Variants in NDUFS1 observed in about 807,000 individuals in gnomAD.
The protein encoded by NDUFS1 is NADH-ubiquinone oxidoreductase 75 kDa subunit, mitochondrial.
A neutral mutation model predicts 84.4 loss-of-function variants in NDUFS1; 61 were observed. That is an observed-to-expected ratio of 0.72 (90% confidence interval 0.59 to 0.89). The LOEUF is 0.89. NDUFS1 is among the 40% of genes least tolerant of loss of function. The pLI is 0.00. For synonymous variants in NDUFS1, 275 were observed against 290.0 expected (o/e 0.95, Z 0.53); for missense variants, 891 against 890.0 (o/e 1.00, Z -0.01).
rs138887128 is a variant in NDUFS1 at position 206,130,184 on chromosome 2, G to C, written c.1612C>G (p.Arg538Gly). ...AACAGCACCTTGGGAGGGTTCTTCCGAATTGCTTCCACCCCAGGCTTATAG... is the reference window on the plus strand; with the variant it reads ...AACAGCACCTTGGGAGGGTTCTTCCCAATTGCTTCCACCCCAGGCTTATAG... ...LGYKPGVEAIRKNPPKVLFLL... is the reference protein window; with the variant it reads ...LGYKPGVEAIGKNPPKVLFLL... Residue 538 changes from arginine to glycine, a missense_variant, in exon 15 of 19, where the codon CGG (arginine) becomes GGG (glycine). Physicochemically the swap from Arg to Gly is moderately radical, Grantham distance 125. Coordinates refer to ENST00000233190, the MANE Select transcript of NDUFS1 (RefSeq NM_005006.7). 2 of 1,614,138 alleles carry C rather than the reference G, an allele frequency of 1.2e-6. No individual in the cohort carries two copies. Among genetic ancestry groups the C allele is most frequent in the Non-Finnish European group, 1.7e-6 (2 of 1,180,022 alleles).
chr2:206,116,561 C>A lies in NDUFS1; in HGVS notation c.*7624G>T. On this transcript the variant is annotated 3_prime_UTR_variant, in exon 19 of 19. Coordinates refer to ENST00000233190, the MANE Select transcript of NDUFS1 (RefSeq NM_005006.7). ...CAGCCACTCGCGCGGGGAGGCGGGG[C>A]GGTGTGGGCAGAAGTAAATTTCTTT... 4.6e-6 allele frequency: 3 copies of A among 654,362 alleles called. No individual in the cohort carries two copies. Among genetic ancestry groups the A allele is most frequent in the Non-Finnish European group, 7.9e-6 (3 of 378,870 alleles). The allele number at this position is 654,362 out of a possible 1,614,324, so 40.5% of individuals were successfully genotyped here.
chr2:206,127,703 TG>T, intron 16 of NDUFS1, 93 bp downstream of exon 16: 1 of 1,287,644 alleles, frequency 7.8e-7, no homozygotes, highest in Non-Finnish European at 1.1e-6. Flanking sequence ...CATTTCAGAC[TG>T]GCATCTTCCT....
At chr2:206,139,536 T>G (rs1158347801) in intron 12 of NDUFS1, among the ~76,000 whole-genome samples, 1 of 152,160 alleles carries the variant, frequency 6.6e-6, no homozygotes, top group Non-Finnish European at 1.5e-5. Context: ...TTTTGCAGTA[T>G]TTACATGACA....
chr2:206,132,694 TGTAACTAATATA>T (rs112569702), intron 14 of NDUFS1, among the ~76,000 whole-genome samples: 16 of 152,338 alleles, frequency 1.1e-4, no homozygotes, highest in African/African-American at 3.1e-4. Context: ...TGAACCAAGG[TGTAACTAATATA>T]ACAATTTTTA....
chr2:206,133,297 A>G (rs1691585736), intron 13 of NDUFS1, among the ~76,000 whole-genome samples, 192 bp from the exon 14 acceptor site: 1 of 152,232 alleles, frequency 6.6e-6, no homozygotes, highest in Non-Finnish European at 1.5e-5. Context: ...TGCCAATGCT[A>G]CTGTGAAATA....
chr2:206,138,410 TATTACAA>T, intron 13 of NDUFS1, 68 bp downstream of exon 13: 1 of 1,529,952 alleles, frequency 6.5e-7, no homozygotes, highest in Non-Finnish European at 9.0e-7. Context: ...TACATAGGAT[TATTACAA>T]AAACAGTTAA....
chr2:206,124,128 C>CT lies in NDUFS1; in HGVS notation c.*56dup. On this transcript the variant is annotated 3_prime_UTR_variant, in exon 19 of 19. Transcript: ENST00000233190. ...AAAGAAATAAACCTGTAAAGGATCA[C>CT]TGCACTACAGTTGTCCATTAATTAT... 1 of 1,062,802 alleles carries CT rather than the reference C, an allele frequency of 9.4e-7. No homozygotes were observed. The highest frequency in any genetic ancestry group is 2.4e-5 in the East Asian group (1 of 42,422). 65.8% of individuals were successfully genotyped at this position (1,062,802 alleles called of 1,614,324 possible).
intron 18 of NDUFS1, among the ~76,000 whole-genome samples, chr2:206,125,250 C>T (rs1350339407): frequency 6.6e-6 from 1 of 152,008 alleles, no homozygotes; most frequent in Admixed American, 6.6e-5. Flanking sequence ...CTGCTTGAGT[C>T]CAGGAGTTTG....
At chr2:206,126,898 T>A (rs1273563374) in intron 16 of NDUFS1, 54 bp from the exon 17 acceptor site, 4 of 1,599,686 alleles carry the variant, frequency 2.5e-6, no homozygotes, top group Non-Finnish European at 3.4e-6. Context: ...CTTAAAAATA[T>A]CAAATAATAG....
chr2:206,122,536 G>A lies in NDUFS1; in HGVS notation c.*1649C>T, dbSNP rs1282179381. 3 of 146,782 alleles carry A rather than the reference G, an allele frequency of 2.0e-5. No individual in the cohort carries two copies. Among genetic ancestry groups the A allele is most frequent in the African/African-American group, 7.6e-5 (3 of 39,566 alleles). 9.1% of individuals were successfully genotyped at this position (146,782 alleles called of 1,614,324 possible). On this transcript the variant is annotated 3_prime_UTR_variant, in exon 19 of 19. Coordinates refer to ENST00000233190, the MANE Select transcript of NDUFS1 (RefSeq NM_005006.7). ...CCCAGCTACCGGGGAGGCTGAGGCA[G>A]GAGAATCGCTTGAATCAGGGAGGTG...
intron 4 of NDUFS1, 102 bp from the exon 5 acceptor site, chr2:206,149,198 T>C: frequency 3.4e-6 from 3 of 881,680 alleles, no homozygotes; most frequent in Non-Finnish European, 5.3e-6. Flanking sequence ...CATTAAATTA[T>C]ACATTTGATA....
intron 18 of NDUFS1, among the ~76,000 whole-genome samples, chr2:206,125,825 G>C (rs570072766): frequency 1.3e-5 from 2 of 152,066 alleles, no homozygotes; most frequent in Admixed American, 1.3e-4. Flanking sequence ...CCACTCTCAA[G>C]TAGACTACAG....
rs1691015522 is a variant in NDUFS1 at position 206,118,607 on chromosome 2, G to A, written c.*5578C>T. 2 of 151,846 alleles carry A rather than the reference G, an allele frequency of 1.3e-5. No homozygotes were observed. Among genetic ancestry groups the A allele is most frequent in the East Asian group, 2.0e-4 (1 of 5,068 alleles). 9.4% of individuals were successfully genotyped at this position (151,846 alleles called of 1,614,324 possible). A position where few individuals can be genotyped will look rare whatever the true frequency, so the allele number is the denominator to read the frequency against. The stretch of plus-strand genomic sequence containing the variant: ...TGCCATGCATTGCACTCCAGTCTGG[G>A]TAACAGAGCCAGAATCTTATTAGGG... On this transcript the variant is annotated 3_prime_UTR_variant, in exon 19 of 19. Coordinates refer to ENST00000233190, the MANE Select transcript of NDUFS1 (RefSeq NM_005006.7).
intron 5 of NDUFS1, among the ~76,000 whole-genome samples, chr2:206,148,097 G>C (rs1049605275): frequency 6.6e-6 from 1 of 151,910 alleles, no homozygotes; most frequent in Non-Finnish European, 1.5e-5. Context: ...GCTAATTTTT[G>C]TATTTTTAGT....
At position 206,116,648 on chromosome 2, in the gene NDUFS1, G is replaced by A; in HGVS notation, c.*7537C>T. The A allele has an allele frequency of 2.3e-6, 1 of 426,670 alleles. No homozygotes were observed. Among genetic ancestry groups the A allele is most frequent in the South Asian group, 2.4e-5 (1 of 42,198 alleles). 26.4% of individuals were successfully genotyped at this position (426,670 alleles called of 1,614,324 possible). ...CATGTGTAATTCCAGAACTTTGGGA[G>A]GTCAAGGTGGGAGGAGCGCCTGGGC... On this transcript the variant is annotated 3_prime_UTR_variant, in exon 19 of 19. Coordinates refer to ENST00000233190, the MANE Select transcript of NDUFS1 (RefSeq NM_005006.7).
In NDUFS1 at chr2:206,141,999, G is replaced by C. The variant is rs766376147; in HGVS notation, c.1204C>G (p.Leu402Val). Residue 402 changes from leucine (L) to valine (V), a missense_variant, in exon 12 of 19, where the codon CTG becomes GTG. Coordinates refer to ENST00000233190, the MANE Select transcript of NDUFS1 (RefSeq NM_005006.7). ...AGVEEADVVL[L>V]VGTNPRFEAP... ...TCAAAACGTGGGTTTGTACCAACCAGAAGAACAACATCTGCCTCTTCCACA... is the reference window on the plus strand; with the variant it reads ...TCAAAACGTGGGTTTGTACCAACCACAAGAACAACATCTGCCTCTTCCACA... 6.2e-7 allele frequency: 1 copy of C among 1,609,732 alleles called. No individual in the cohort carries two copies. The highest frequency in any genetic ancestry group is 8.5e-7 in the Non-Finnish European group (1 of 1,176,028).
chr2:206,143,893 A>T, intron 10 of NDUFS1, 125 bp downstream of exon 10: 1 of 775,012 alleles, frequency 1.3e-6, no homozygotes, highest in South Asian at 1.5e-5. Context: ...TGTAAAATGG[A>T]AGGAGATTAA....
intron 14 of NDUFS1, among the ~76,000 whole-genome samples, chr2:206,131,962 T>A (rs916574660): frequency 2.0e-5 from 3 of 148,664 alleles, no homozygotes; most frequent in Non-Finnish European, 3.0e-5. Flanking sequence ...ATAATAATAA[T>A]AAAATAAAAA....
At chr2:206,152,672 G>A (rs1692417619) in intron 2 of NDUFS1, among the ~76,000 whole-genome samples, 162 bp from the exon 3 acceptor site, 1 of 151,200 alleles carries the variant, frequency 6.6e-6, no homozygotes, top group Non-Finnish European at 1.5e-5. Context: ...TTTGATAGCA[G>A]AGTAGTTTAA....
Sources: gnomAD v4.1 joint callset for allele counts (sites outside exome capture counted in the v4.1 genomes callset) on GRCh38, gnomAD v4.1.1 for gene constraint, MANE v1.5 for transcripts, NCBI Gene and HGNC (gene_info 2026-07-23, HGNC 2026-07-21) for gene names.